Variants in ZCRB1 observed in about 807,000 individuals in gnomAD.
ZCRB1 encodes the protein zinc finger CCHC-type and RNA binding motif containing 1.
In ZCRB1, 21 loss-of-function variants were observed where a neutral mutation model predicts 29.9. That is an observed-to-expected ratio of 0.70 (90% CI 0.50 to 1.01). The LOEUF (loss-of-function observed/expected upper bound fraction) is 1.01, where lower values mean the gene tolerates loss of function less well. Ranked by LOEUF, ZCRB1 falls within the 50% of genes least tolerant of loss-of-function variation. The pLI, the probability that ZCRB1 is intolerant of heterozygous loss-of-function variation, is 0.00. For synonymous variants in ZCRB1, 77 were observed against 80.0 expected (o/e 0.96, Z 0.20); for missense variants, 204 against 253.3 (o/e 0.81, Z 1.32).
intron 5 of ZCRB1, among the ~76,000 whole-genome samples, chr12:42,314,877 G>C (rs944284145): frequency 6.6e-6 from 1 of 151,786 alleles, no homozygotes; most frequent in South Asian, 2.1e-4. Context: ...GATCGAACGC[G>C]GGAGGCAGAG....
chr12:42,317,952 C>A, intron 3 of ZCRB1, 54 bp from the exon 4 acceptor site: 5 of 1,375,942 alleles, frequency 3.6e-6, no homozygotes, highest in Admixed American at 2.2e-5. Context: ...AAAACAGATA[C>A]TAATACTTGA....
chr12:42,324,273 C>T (rs1342767856), intron 1 of ZCRB1, among the ~76,000 whole-genome samples, 169 bp from the exon 2 acceptor site: 2 of 152,136 alleles, frequency 1.3e-5, no homozygotes, highest in Admixed American at 6.5e-5. Flanking sequence ...CTCAGCCTCC[C>T]GAGTAGCTGG....
At chr12:42,319,286 T>C (rs1348037618) in intron 3 of ZCRB1, among the ~76,000 whole-genome samples, 1 of 152,152 alleles carries the variant, frequency 6.6e-6, no homozygotes, top group Non-Finnish European at 1.5e-5. Context: ...TTATGGTAAT[T>C]TTTTCTCTTA....
chr12:42,317,931 C>G, intron 3 of ZCRB1, 33 bp from the exon 4 acceptor site: 1 of 1,547,952 alleles, frequency 6.5e-7, no homozygotes, highest in Non-Finnish European at 8.8e-7. Flanking sequence ...AAAAATGAGG[C>G]AGCAATAAAT....
At chr12:42,319,178 T>C (rs908465855) in intron 3 of ZCRB1, among the ~76,000 whole-genome samples, 1 of 152,212 alleles carries the variant, frequency 6.6e-6, no homozygotes, top group African/African-American at 2.4e-5. Flanking sequence ...TCATCCTCAA[T>C]TAATGATCTC....
intron 5 of ZCRB1, among the ~76,000 whole-genome samples, chr12:42,315,008 T>C (rs1043837399): frequency 3.3e-5 from 5 of 152,228 alleles, no homozygotes; most frequent in South Asian, 2.1e-4. Flanking sequence ...ACTTTTCCTA[T>C]GAATTACTTC....
chr12:42,325,061 A>C (rs919547953), intron 1 of ZCRB1, among the ~76,000 whole-genome samples: 2 of 152,232 alleles, frequency 1.3e-5, no homozygotes, highest in Non-Finnish European at 2.9e-5. Context: ...ACAGCATGTT[A>C]ATGTAGTGAA....
intron 5 of ZCRB1, among the ~76,000 whole-genome samples, chr12:42,315,909 C>G (rs1263669534): frequency 1.3e-5 from 2 of 152,046 alleles, no homozygotes; most frequent in African/African-American, 4.8e-5. Flanking sequence ...ATTCATCCAT[C>G]CATCAGTCTG....
chr12:42,322,992 C>T (rs1433431887), intron 2 of ZCRB1, among the ~76,000 whole-genome samples: 2 of 152,148 alleles, frequency 1.3e-5, no homozygotes, highest in African/African-American at 4.8e-5. Flanking sequence ...CTCTGCCCAC[C>T]ATTAACATGT....
At chr12:42,320,711 A>G (rs1207765005) in intron 3 of ZCRB1, among the ~76,000 whole-genome samples, 1 of 152,138 alleles carries the variant, frequency 6.6e-6, no homozygotes, top group Non-Finnish European at 1.5e-5. Context: ...CGGCTTCCCA[A>G]AGTGCTGGGA....
intron 3 of ZCRB1, among the ~76,000 whole-genome samples, chr12:42,318,862 A>G (rs1200180520): frequency 6.6e-6 from 1 of 152,192 alleles, no homozygotes; most frequent in Non-Finnish European, 1.5e-5. Flanking sequence ...GGACAATTTG[A>G]GCATCAAAAT....
At chr12:42,324,223 A>G in intron 1 of ZCRB1, 119 bp from the exon 2 acceptor site, 1 of 803,578 alleles carries the variant, frequency 1.2e-6, no homozygotes. Flanking sequence ...ATCTCGGCTC[A>G]CTGCAACCTC....
chr12:42,322,589 G>GT (rs1223433897), intron 2 of ZCRB1, 143 bp from the exon 3 acceptor site: 105 of 731,728 alleles, frequency 1.4e-4, no homozygotes, highest in South Asian at 2.3e-4. Flanking sequence ...CTAGGAAAAA[G>GT]TTTTTTTTGG....
At chr12:42,317,227 C>A in intron 5 of ZCRB1, 113 bp downstream of exon 5, 1 of 656,318 alleles carries the variant, frequency 1.5e-6, no homozygotes, top group Non-Finnish European at 2.5e-6. Context: ...AAAAATAAAG[C>A]ATTTTCATAA....
chr12:42,325,044 A>C (rs1485481012), intron 1 of ZCRB1, among the ~76,000 whole-genome samples: 1 of 152,254 alleles, frequency 6.6e-6, no homozygotes, highest in Non-Finnish European at 1.5e-5. Flanking sequence ...CCTAGGCTAC[A>C]ACCTGTACAG....
chr12:42,321,495 T>G (rs1210053420), intron 3 of ZCRB1, among the ~76,000 whole-genome samples: 2 of 152,222 alleles, frequency 1.3e-5, no homozygotes, highest in Non-Finnish European at 2.9e-5. Context: ...CATATATATG[T>G]GCTCATTTAA....
intron 5 of ZCRB1, among the ~76,000 whole-genome samples, chr12:42,314,298 G>A (rs892896149): frequency 6.9e-6 from 1 of 145,902 alleles, no homozygotes; most frequent in Non-Finnish European, 1.5e-5. Context: ...GGTGGCTCAC[G>A]CCTGTAATCC....
chr12:42,313,606 G>T, intron 7 of ZCRB1, 84 bp downstream of exon 7: 1 of 1,415,162 alleles, frequency 7.1e-7, no homozygotes. Flanking sequence ...AAGAGAGGTT[G>T]CCATGAGGTG....
In ZCRB1 at chr12:42,313,719, C is replaced by T. The variant is rs1295574524; in HGVS notation, c.493G>A (p.Asp165Asn). 1.9e-6 allele frequency: 3 copies of T among 1,613,956 alleles called. No individual in the cohort carries two copies. Among genetic ancestry groups the T allele is most frequent in the Non-Finnish European group, 2.5e-6 (3 of 1,179,948 alleles). ...AATGCTATGGCCTGACTGAGGCTGTCAAGAGCAGGATCCTCCCCTTCATCT... is the reference window on the plus strand; with the variant it reads ...AATGCTATGGCCTGACTGAGGCTGTTAAGAGCAGGATCCTCCCCTTCATCT... ...SEDEGEDPAL[D>N]SLSQAIAFQQ... The change falls in exon 7 of 8, where the codon GAC (aspartate) becomes AAC (asparagine). Residue 165 changes from aspartate to asparagine, a missense_variant. By Grantham distance (23) the Asp-to-Asn change is conservative. Transcript: ENST00000266529.
Sources: allele counts gnomAD v4.1 joint callset (sites outside exome capture counted in the v4.1 genomes callset), GRCh38; gene constraint gnomAD v4.1.1; transcripts MANE v1.5; gene names NCBI Gene and HGNC (gene_info 2026-07-23, HGNC 2026-07-21).